The following TP63 variants were observed in gnomAD, a reference collection of about 807,000 sequenced individuals.
The protein encoded by TP63 is tumor protein 63.
TP63 carries 17 observed loss-of-function variants against 82.8 expected under a neutral mutation model. The ratio of observed to expected loss-of-function variants is 0.21; its 90% CI spans 0.14 to 0.31. The LOEUF is 0.31. Among genes scored for constraint, TP63 ranks in the 10% least tolerant of loss-of-function variants. The pLI, the probability that TP63 is intolerant of heterozygous loss-of-function variation, is 1.00. For synonymous variants in TP63, 330 were observed against 321.7 expected, an observed-to-expected ratio of 1.03 and a Z score of -0.28; for missense variants, 648 against 895.3, an observed-to-expected ratio of 0.72 and a Z score of 3.52.
intron 1 of TP63, among the ~76,000 whole-genome samples, chr3:189,671,741 C>T (rs1714909843): frequency 6.6e-6 from 1 of 152,000 alleles, no homozygotes; most frequent in Non-Finnish European, 1.5e-5. Context: ...TTCACAGCAA[C>T]ATGGATGAGC....
At chr3:189,844,348 C>T (rs759641826) in intron 4 of TP63, 48 of 396,798 alleles carry the variant, frequency 1.2e-4, no homozygotes, top group African/African-American at 9.7e-4. Flanking sequence ...ATTTTTGGCA[C>T]GACCTCAGCT....
At chr3:189,676,139 CA>C (rs1324160905) in intron 1 of TP63, among the ~76,000 whole-genome samples, 3 of 152,106 alleles carry the variant, frequency 2.0e-5, no homozygotes, top group Non-Finnish European at 4.4e-5. Flanking sequence ...TCCATCTCCT[CA>C]TATACTTACC....
chr3:189,654,022 G>C (rs1881992), intron 1 of TP63, among the ~76,000 whole-genome samples: 2 of 151,900 alleles, frequency 1.3e-5, no homozygotes, highest in Non-Finnish European at 2.9e-5. Context: ...TTCAAATAAT[G>C]ACTAGAACCT....
chr3:189,885,945 T>C (rs1181145659), intron 10 of TP63, among the ~76,000 whole-genome samples: 1 of 152,356 alleles, frequency 6.6e-6, no homozygotes, highest in South Asian at 2.1e-4. Context: ...AAATGGAATA[T>C]ACAGAAAGCT....
chr3:189,786,502 C>T (rs577910230), intron 3 of TP63, among the ~76,000 whole-genome samples: 102 of 151,132 alleles, frequency 6.7e-4, no homozygotes, highest in African/African-American at 2.5e-3. Context: ...AATACATATA[C>T]AAACACAAAC....
intron 1 of TP63, among the ~76,000 whole-genome samples, chr3:189,671,014 A>C (rs989103362): frequency 6.6e-6 from 1 of 152,124 alleles, no homozygotes; most frequent in Non-Finnish European, 1.5e-5. Flanking sequence ...CAGGCAACAA[A>C]AACAAAAAGA....
At chr3:189,679,568 C>T (rs994442700) in intron 1 of TP63, among the ~76,000 whole-genome samples, 2 of 152,062 alleles carry the variant, frequency 1.3e-5, no homozygotes, top group Non-Finnish European at 2.9e-5. Context: ...AATATTTTCA[C>T]TCATTTCGTA....
At chr3:189,636,667 C>T (rs778467733) in intron 1 of TP63, among the ~76,000 whole-genome samples, 18 of 152,188 alleles carry the variant, frequency 1.2e-4, no homozygotes, top group Admixed American at 5.9e-4. Context: ...TAATATTAAA[C>T]ATTGAGATAA....
intron 3 of TP63, among the ~76,000 whole-genome samples, chr3:189,759,099 A>T (rs768917657): frequency 2.6e-5 from 4 of 152,244 alleles, no homozygotes; most frequent in Non-Finnish European, 4.4e-5. Flanking sequence ...TCTTAGCATG[A>T]TAATGAAGTC....
At chr3:189,701,185 C>T (rs1253140316) in intron 1 of TP63, among the ~76,000 whole-genome samples, 2 of 152,096 alleles carry the variant, frequency 1.3e-5, no homozygotes, top group African/African-American at 2.4e-5. Flanking sequence ...ATTGCCCAGT[C>T]TCAGATATGT....
intron 3 of TP63, among the ~76,000 whole-genome samples, chr3:189,795,667 C>T (rs1725620601): frequency 6.6e-6 from 1 of 151,872 alleles, no homozygotes; most frequent in Non-Finnish European, 1.5e-5. Flanking sequence ...CTATTTATGT[C>T]AAAATGGAAC....
At chr3:189,848,992 G>C (rs1715294102) in intron 4 of TP63, among the ~76,000 whole-genome samples, 1 of 152,182 alleles carries the variant, frequency 6.6e-6, no homozygotes, top group Admixed American at 6.5e-5. Context: ...AGGAGAGAGA[G>C]GCTGAAGGTT....
At chr3:189,802,200 C>A (rs1726385680) in intron 3 of TP63, among the ~76,000 whole-genome samples, 1 of 152,126 alleles carries the variant, frequency 6.6e-6, no homozygotes, top group Non-Finnish European at 1.5e-5. Context: ...ATGTAGTACT[C>A]TCTGCTAAAG....
At chr3:189,766,710 TA>T (rs1204229360) in intron 3 of TP63, among the ~76,000 whole-genome samples, 3 of 152,086 alleles carry the variant, frequency 2.0e-5, no homozygotes, top group East Asian at 3.9e-4. Flanking sequence ...AAATCATGTT[TA>T]AAAAAAATAC....
chr3:189,842,774 T>C (rs1014670769), intron 4 of TP63, among the ~76,000 whole-genome samples: 1 of 152,200 alleles, frequency 6.6e-6, no homozygotes, highest in African/African-American at 2.4e-5. Context: ...CCCTGGCCTT[T>C]TTCTCATGAT....
intron 4 of TP63, among the ~76,000 whole-genome samples, chr3:189,821,398 C>T (rs1728779799): frequency 6.6e-6 from 1 of 152,184 alleles, no homozygotes; most frequent in South Asian, 2.1e-4. Flanking sequence ...GCAGTAATCT[C>T]CACCTCCTCC....
At chr3:189,800,771 G>A (rs1726218916) in intron 3 of TP63, among the ~76,000 whole-genome samples, 1 of 152,126 alleles carries the variant, frequency 6.6e-6, no homozygotes, top group African/African-American at 2.4e-5. Context: ...GTAAAACCAT[G>A]CAAAGCACTT....
chr3:189,886,584 G>C, intron 11 of TP63, 33 bp downstream of exon 11: 11 of 1,612,750 alleles, frequency 6.8e-6, no homozygotes, highest in Non-Finnish European at 9.3e-6. Flanking sequence ...GTGGCTGAAG[G>C]ATGAACAGGC....
At chr3:189,679,576 G>A (rs773742962) in intron 1 of TP63, among the ~76,000 whole-genome samples, 7 of 151,922 alleles carry the variant, frequency 4.6e-5, no homozygotes, top group East Asian at 1.9e-4. Flanking sequence ...CACTCATTTC[G>A]TAGGTGACCT....
Sources: allele counts gnomAD v4.1 joint callset (sites outside exome capture counted in the v4.1 genomes callset), GRCh38; gene constraint gnomAD v4.1.1; transcripts MANE v1.5; gene names NCBI Gene and HGNC (gene_info 2026-07-23, HGNC 2026-07-21).